SLC22A16: variants seen among roughly 807,000 people sequenced by gnomAD.
SLC22A16 encodes the protein solute carrier family 22 member 16, also known as WUGSC:RG331P03.1.
A neutral mutation model predicts 52.9 loss-of-function variants in SLC22A16; 53 were observed. That is an observed-to-expected ratio of 1.00 (90% CI 0.80 to 1.26). SLC22A16 has a LOEUF of 1.26. Among genes scored for constraint, SLC22A16 ranks in the 50% most tolerant of loss-of-function variants. The pLI is 0.00. For synonymous variants in SLC22A16, 291 were observed against 268.8 expected (o/e 1.08, Z -0.81); for missense variants, 726 against 704.0 (o/e 1.03, Z -0.35).
intron 3 of SLC22A16, among the ~76,000 whole-genome samples, chr6:110,445,382 C>G (rs1481703985): frequency 6.6e-6 from 1 of 152,142 alleles, no homozygotes. Context: ...TGATGTTATG[C>G]CCTCACTGTC....
chr6:110,473,673 C>T (rs1189023630), intron 1 of SLC22A16, among the ~76,000 whole-genome samples: 3 of 150,976 alleles, frequency 2.0e-5, no homozygotes, highest in East Asian at 2.0e-4. Context: ...CACAGGCCCC[C>T]GCCACCATGC....
At chr6:110,432,067 A>G (rs1774528442) in intron 6 of SLC22A16, among the ~76,000 whole-genome samples, 1 of 152,184 alleles carries the variant, frequency 6.6e-6, no homozygotes, top group Non-Finnish European at 1.5e-5. Context: ...ACTTAGAGAA[A>G]ATGTATAGAA....
intron 1 of SLC22A16, among the ~76,000 whole-genome samples, chr6:110,461,814 A>T (rs760283606): frequency 2.6e-5 from 4 of 152,248 alleles, no homozygotes; most frequent in Non-Finnish European, 5.9e-5. Flanking sequence ...CCCTCAAGTG[A>T]AAAAAGAATA....
At chr6:110,466,642 G>A (rs1003812041) in intron 1 of SLC22A16, among the ~76,000 whole-genome samples, 1 of 152,096 alleles carries the variant, frequency 6.6e-6, no homozygotes, top group South Asian at 2.1e-4. Flanking sequence ...TAGTGAGACT[G>A]TGGAGAAAAG....
intron 1 of SLC22A16, among the ~76,000 whole-genome samples, chr6:110,471,476 A>G (rs1429306402): frequency 6.6e-6 from 1 of 152,274 alleles, no homozygotes; most frequent in Non-Finnish European, 1.5e-5. Context: ...ACCTGGACAC[A>G]GTCTAAACGT....
At chr6:110,463,356 C>A (rs1308925348) in intron 1 of SLC22A16, among the ~76,000 whole-genome samples, 1 of 150,608 alleles carries the variant, frequency 6.6e-6, no homozygotes, top group Non-Finnish European at 1.5e-5. Context: ...TTAAAAAGAC[C>A]CAACCATCTG....
chr6:110,442,557 C>A lies in SLC22A16; in HGVS notation c.870G>T (p.Glu290Asp). 1 of 1,614,136 alleles carries A rather than the reference C, an allele frequency of 6.2e-7. No homozygotes were observed. Among genetic ancestry groups the A allele is most frequent in the African/African-American group, 1.3e-5 (1 of 75,032 alleles). ...CCTCTGAGAGAAGCCAAAAAGGTGTCTCTGGGAGCACCCAACAGCACAGGA... is the reference window on the plus strand; with the variant it reads ...CCTCTGAGAGAAGCCAAAAAGGTGTATCTGGGAGCACCCAACAGCACAGGA... Reference protein sequence around the residue: ...PFILCCWVLPETPFWLLSEGR... With the variant: ...PFILCCWVLPDTPFWLLSEGR... The change falls in exon 4 of 8, where the codon GAG becomes GAT. Residue 290 changes from glutamate to aspartate, a missense_variant. By Grantham distance (45) the Glu-to-Asp change is conservative. Coordinates refer to ENST00000368919, the MANE Select transcript of SLC22A16 (RefSeq NM_033125.4).
intron 2 of SLC22A16, among the ~76,000 whole-genome samples, chr6:110,453,062 T>C (rs1367232245): frequency 6.6e-6 from 1 of 152,224 alleles, no homozygotes; most frequent in Non-Finnish European, 1.5e-5. Flanking sequence ...GTGTGACAGG[T>C]TGTTAAAACT....
intron 1 of SLC22A16, among the ~76,000 whole-genome samples, chr6:110,469,286 T>C (rs1217065171): frequency 6.6e-6 from 1 of 152,192 alleles, no homozygotes; most frequent in Admixed American, 6.5e-5. Context: ...CCCAGCACTT[T>C]GGGATGCTGA....
At chr6:110,464,940 C>A (rs112358478) in intron 1 of SLC22A16, among the ~76,000 whole-genome samples, 3 of 152,164 alleles carry the variant, frequency 2.0e-5, no homozygotes, top group African/African-American at 4.8e-5. Context: ...GATAATCCAT[C>A]ACAATCAGAT....
intron 1 of SLC22A16, among the ~76,000 whole-genome samples, chr6:110,461,832 T>C (rs935595278): frequency 6.6e-6 from 1 of 152,160 alleles, no homozygotes; most frequent in Admixed American, 6.5e-5. Context: ...ATACAAACTT[T>C]AAAAGTTTCA....
intron 3 of SLC22A16, among the ~76,000 whole-genome samples, chr6:110,443,488 G>A (rs1417621658): frequency 2.6e-5 from 4 of 151,868 alleles, no homozygotes; most frequent in Non-Finnish European, 4.4e-5. Flanking sequence ...ATGCTACAAA[G>A]AGATACCCCC....
intron 1 of SLC22A16, among the ~76,000 whole-genome samples, chr6:110,457,625 A>G (rs1775715151): frequency 6.6e-6 from 1 of 152,200 alleles, no homozygotes; most frequent in South Asian, 2.1e-4. Context: ...CTTTATTTCA[A>G]TACTATAATA....
In SLC22A16 at chr6:110,456,721, G is replaced by A. The variant is rs367557583; in HGVS notation, c.350C>T (p.Thr117Ile). The change falls in exon 2 of 8, where the codon ACT (threonine) becomes ATT (isoleucine). Residue 117 changes from threonine to isoleucine, a missense_variant. Physicochemically the swap from Thr to Ile is moderately conservative, Grantham distance 89 (BLOSUM62 -1). Transcript: ENST00000368919. ...ACAAGGAAACTCTTTCTTACTGCCA[G>A]TGTATTCATAGCCCAAACTCGATGT... ...ENTSSLGYEY[T>I]GSKKEFPCVD... 6.3e-5 allele frequency: 102 copies of A among 1,613,996 alleles called. No homozygotes were observed. Among genetic ancestry groups the A allele is most frequent in the Non-Finnish European group, 8.5e-5 (100 of 1,180,024 alleles).
chr6:110,476,056 T>A, intron 1 of SLC22A16: 2 of 455,008 alleles, frequency 4.4e-6, no homozygotes, highest in Non-Finnish European at 8.8e-6. Context: ...CTAACGGTTG[T>A]CCCTGGGGAA....
chr6:110,443,573 T>C (rs1034858626), intron 3 of SLC22A16, among the ~76,000 whole-genome samples: 3 of 151,510 alleles, frequency 2.0e-5, no homozygotes, highest in South Asian at 4.2e-4. Flanking sequence ...CTGGAACCCA[T>C]GTGTAATATG....
intron 1 of SLC22A16, among the ~76,000 whole-genome samples, chr6:110,461,487 G>A (rs1775881977): frequency 6.6e-6 from 1 of 152,144 alleles, no homozygotes; most frequent in Admixed American, 6.5e-5. Flanking sequence ...GATGACCTGA[G>A]GGTGAGCTAG....
chr6:110,441,596 C>T (rs1011418253), intron 4 of SLC22A16, among the ~76,000 whole-genome samples: 6 of 152,142 alleles, frequency 3.9e-5, no homozygotes, highest in African/African-American at 1.4e-4. Context: ...TTCTGGAGGG[C>T]CAAAGAATGA....
intron 1 of SLC22A16, 22 bp downstream of exon 1, chr6:110,476,499 GC>G (rs199992614): frequency 2.7e-6 from 1 of 369,740 alleles, no homozygotes; most frequent in African/African-American, 3.5e-5. Flanking sequence ...CCCGCGTGGC[GC>G]CGCGGGGCCC....
Sources: gnomAD v4.1 joint callset for allele counts (sites outside exome capture counted in the v4.1 genomes callset) on GRCh38, gnomAD v4.1.1 for gene constraint, MANE v1.5 for transcripts, NCBI Gene and HGNC (gene_info 2026-07-23, HGNC 2026-07-21) for gene names.